SNTG1: variants seen among roughly 807,000 people sequenced by gnomAD.
SNTG1 encodes gamma-1-syntrophin.
Under a neutral mutation model 74.7 loss-of-function variants are expected in SNTG1, and 39 were observed. The ratio of observed to expected loss-of-function variants is 0.52; its 90% CI spans 0.40 to 0.68. The LOEUF (loss-of-function observed/expected upper bound fraction) is 0.68. SNTG1 is among the 30% of genes least tolerant of loss of function. SNTG1 has a pLI of 0.00. For synonymous variants in SNTG1, 254 were observed against 217.1 expected, an observed-to-expected ratio of 1.17 and a Z score of -1.49; for missense variants, 685 against 609.5, an observed-to-expected ratio of 1.12 and a Z score of -1.30.
intron 8 of SNTG1, among the ~76,000 whole-genome samples, chr8:50,475,908 G>A (rs1056598462): frequency 2.6e-5 from 4 of 152,228 alleles, no homozygotes; most frequent in East Asian, 1.9e-4. Context: ...CATGGTCAAC[G>A]ATGGTACAAA....
At chr8:50,411,636 A>G (rs1253581698) in intron 4 of SNTG1, among the ~76,000 whole-genome samples, 1 of 152,072 alleles carries the variant, frequency 6.6e-6, no homozygotes, top group East Asian at 1.9e-4. Context: ...CCTGTCTTTT[A>G]TTATTAGAGA....
At chr8:50,515,722 C>A (rs2094127568) in intron 9 of SNTG1, among the ~76,000 whole-genome samples, 2 of 152,158 alleles carry the variant, frequency 1.3e-5, no homozygotes, top group South Asian at 2.1e-4. Context: ...CACAACTCTG[C>A]AAAGCCACTG....
intron 15 of SNTG1, among the ~76,000 whole-genome samples, chr8:50,659,388 G>A (rs2095204808): frequency 1.3e-5 from 2 of 152,144 alleles, no homozygotes; most frequent in Admixed American, 6.6e-5. Flanking sequence ...TCCTGCATAA[G>A]GTTGACCTTG....
intron 9 of SNTG1, among the ~76,000 whole-genome samples, chr8:50,519,649 A>G (rs539281129): frequency 1.1e-4 from 16 of 152,308 alleles, no homozygotes; most frequent in African/African-American, 2.6e-4. Flanking sequence ...AATCATTCCT[A>G]TACACCATTA....
intron 1 of SNTG1, among the ~76,000 whole-genome samples, chr8:50,005,082 A>G (rs1431456377): frequency 6.6e-6 from 1 of 152,082 alleles, no homozygotes; most frequent in Non-Finnish European, 1.5e-5. Context: ...TTTTTGTATT[A>G]TTTCTGTTAC....
At chr8:50,415,281 C>T (rs899337860) in intron 4 of SNTG1, among the ~76,000 whole-genome samples, 1 of 152,022 alleles carries the variant, frequency 6.6e-6, no homozygotes, top group Admixed American at 6.6e-5. Flanking sequence ...TATATTGTTT[C>T]TGCAGAAAAG....
intron 1 of SNTG1, among the ~76,000 whole-genome samples, chr8:49,931,877 C>G (rs192469008): frequency 5.9e-5 from 9 of 152,196 alleles, no homozygotes; most frequent in Admixed American, 5.2e-4. Flanking sequence ...TAAGTAGCAC[C>G]ATGGTTGGAA....
At chr8:50,672,395 T>A (rs1327952708) in intron 15 of SNTG1, among the ~76,000 whole-genome samples, 2 of 152,158 alleles carry the variant, frequency 1.3e-5, no homozygotes, top group Non-Finnish European at 2.9e-5. Flanking sequence ...CATGAGATGG[T>A]ATCTCATTGT....
At chr8:50,185,934 C>G (rs1459866104) in intron 2 of SNTG1, among the ~76,000 whole-genome samples, 1 of 151,932 alleles carries the variant, frequency 6.6e-6, no homozygotes, top group African/African-American at 2.4e-5. Context: ...CTGCACCTAT[C>G]AACACGTCAT....
chr8:50,376,911 ACTT>A (rs560298165), intron 2 of SNTG1, among the ~76,000 whole-genome samples: 476 of 151,776 alleles, frequency 3.1e-3, no homozygotes, highest in Non-Finnish European at 4.7e-3. Flanking sequence ...TGCATTTAGA[ACTT>A]CTTTTATCCT....
chr8:49,981,409 C>T (rs918234717), intron 1 of SNTG1, among the ~76,000 whole-genome samples: 3 of 142,818 alleles, frequency 2.1e-5, no homozygotes, highest in Admixed American at 7.1e-5. Context: ...TCACTGTTTC[C>T]TTTATCTTGG....
intron 15 of SNTG1, among the ~76,000 whole-genome samples, chr8:50,685,707 A>G (rs11774637): frequency 0.23 from 35,196 of 152,174 alleles, 4,298 homozygotes; most frequent in Middle Eastern, 0.31. Flanking sequence ...TTGTATTTAT[A>G]CAGCTATTTT....
At chr8:50,007,494 G>A (rs576875398) in intron 1 of SNTG1, among the ~76,000 whole-genome samples, 13 of 152,240 alleles carry the variant, frequency 8.5e-5, no homozygotes, top group Non-Finnish European at 7.3e-5. Flanking sequence ...TCATTAACTG[G>A]AGGGGAAAAT....
intron 1 of SNTG1, among the ~76,000 whole-genome samples, chr8:50,007,517 G>C (rs1815353978): frequency 6.6e-6 from 1 of 152,110 alleles, no homozygotes. Flanking sequence ...AGATTAGCAA[G>C]ATTTAGGGAT....
At chr8:50,662,256 T>A (rs538882880) in intron 15 of SNTG1, among the ~76,000 whole-genome samples, 11 of 152,296 alleles carry the variant, frequency 7.2e-5, no homozygotes, top group Admixed American at 3.3e-4. Context: ...AAAGTCAGAT[T>A]TGAATGTCTG....
At chr8:50,667,200 G>C (rs1419982551) in intron 15 of SNTG1, among the ~76,000 whole-genome samples, 1 of 152,008 alleles carries the variant, frequency 6.6e-6, no homozygotes, top group Non-Finnish European at 1.5e-5. Context: ...AATATTTCCA[G>C]CAGACTGTAA....
At chr8:50,516,674 C>T (rs2130069377) in intron 9 of SNTG1, among the ~76,000 whole-genome samples, 1 of 151,966 alleles carries the variant, frequency 6.6e-6, no homozygotes, top group African/African-American at 2.4e-5. Flanking sequence ...CCAAATTGAT[C>T]AAATAGAAGA....
rs17760044 is a variant in SNTG1 at position 50,117,423 on chromosome 8, T to C, written c.-102-55138T>C. Among the ~76,000 whole-genome samples the C allele has an allele frequency of 4.7e-3, 714 of 152,290 alleles. 4 individuals carry two copies. Among genetic ancestry groups the C allele is most frequent in the Non-Finnish European group, 7.8e-3 (529 of 68,024 alleles). The stretch of plus-strand genomic sequence containing the variant: ...AAGAAAGAATTGTCCTTATCTAAGA[T>C]TGATTCCTGACATCAGTATACAATA... On this transcript the variant is annotated intron_variant, in intron 1 of 18. Coordinates refer to ENST00000642720, the MANE Select transcript of SNTG1 (RefSeq NM_018967.5).
chr8:50,692,104 T>C (rs961713852), intron 15 of SNTG1, among the ~76,000 whole-genome samples: 22 of 152,324 alleles, frequency 1.4e-4, no homozygotes, highest in African/African-American at 5.1e-4. Context: ...CTCCATCAGG[T>C]TCTTTAAGGA....
Sources: gnomAD v4.1 joint callset for allele counts (sites outside exome capture counted in the v4.1 genomes callset) on GRCh38, gnomAD v4.1.1 for gene constraint, MANE v1.5 for transcripts, NCBI Gene and HGNC (gene_info 2026-07-23, HGNC 2026-07-21) for gene names.